Variants in BMP6 observed in about 807,000 individuals in gnomAD.
BMP6 encodes bone morphogenetic protein 6, also known as VG-1-R.
BMP6 carries 17 observed loss-of-function variants against 54.1 expected under a neutral mutation model. That is an observed-to-expected ratio of 0.31 (90% CI 0.22 to 0.47). BMP6 has a LOEUF of 0.47. Ranked by LOEUF, BMP6 falls within the 20% of genes least tolerant of loss-of-function variation. The probability of loss-of-function intolerance (pLI) is 1.00; values close to 1 mark genes in which losing one functional copy is unlikely to be tolerated. For synonymous variants in BMP6, 328 were observed against 291.2 expected, an observed-to-expected ratio of 1.13 and a Z score of -1.28; for missense variants, 720 against 690.4, an observed-to-expected ratio of 1.04 and a Z score of -0.48.
chr6:7,837,326 T>C (rs915360657), intron 1 of BMP6, among the ~76,000 whole-genome samples: 6 of 152,100 alleles, frequency 3.9e-5, no homozygotes, highest in African/African-American at 1.4e-4. Context: ...TTAAAATATC[T>C]TTATTAGCAT....
intron 1 of BMP6, among the ~76,000 whole-genome samples, chr6:7,792,683 A>AT (rs1758128063): frequency 6.6e-6 from 1 of 152,238 alleles, no homozygotes; most frequent in Admixed American, 6.5e-5. Context: ...AGGAAGCAAC[A>AT]TTCCAACAAG....
intron 1 of BMP6, among the ~76,000 whole-genome samples, chr6:7,824,551 T>C (rs576803021): frequency 6.6e-6 from 1 of 152,352 alleles, no homozygotes; most frequent in East Asian, 1.9e-4. Context: ...AAATAGGAGA[T>C]ACCATTCAGT....
intron 1 of BMP6, among the ~76,000 whole-genome samples, chr6:7,784,902 A>G (rs963908025): frequency 6.6e-6 from 1 of 152,206 alleles, no homozygotes; most frequent in African/African-American, 2.4e-5. Context: ...AGGAAGTGAA[A>G]GAAGGTTGTG....
intron 2 of BMP6, among the ~76,000 whole-genome samples, chr6:7,856,328 A>C (rs919961880): frequency 6.6e-6 from 1 of 152,096 alleles, no homozygotes; most frequent in Admixed American, 6.5e-5. Flanking sequence ...AAAAGTAAAA[A>C]GCATGAGCTT....
At chr6:7,859,733 G>A (rs1225825887) in intron 2 of BMP6, among the ~76,000 whole-genome samples, 1 of 152,070 alleles carries the variant, frequency 6.6e-6, no homozygotes, top group Non-Finnish European at 1.5e-5. Context: ...GGGGTAATTT[G>A]TCAACAGGGG....
chr6:7,750,043 CACAGTGGGT>C (rs935756362), intron 1 of BMP6, among the ~76,000 whole-genome samples: 1 of 152,162 alleles, frequency 6.6e-6, no homozygotes, highest in Admixed American at 6.5e-5. Context: ...TGGCAATGGG[CACAGTGGGT>C]GAGACAGGAT....
chr6:7,833,948 G>A (rs750149557), intron 1 of BMP6, among the ~76,000 whole-genome samples: 12 of 152,230 alleles, frequency 7.9e-5, no homozygotes, highest in Non-Finnish European at 7.3e-5. Flanking sequence ...TAAAGTATGA[G>A]TGTCACGGGC....
chr6:7,728,746 T>C (rs1185620349), intron 1 of BMP6, among the ~76,000 whole-genome samples: 1 of 152,154 alleles, frequency 6.6e-6, no homozygotes, highest in African/African-American at 2.4e-5. Context: ...CTCCTTCCCA[T>C]GTGAGACGGT....
intron 4 of BMP6, among the ~76,000 whole-genome samples, chr6:7,865,902 C>G (rs1759413724): frequency 6.6e-6 from 1 of 152,182 alleles, no homozygotes; most frequent in Admixed American, 6.5e-5. Flanking sequence ...ATTCATTCAT[C>G]AAATTGCCTG....
At position 7,880,465 on chromosome 6, in the gene BMP6, G is replaced by C. The variant is rs182720780; in HGVS notation, c.*122G>C. On this transcript the variant is annotated 3_prime_UTR_variant, in exon 7 of 7. Coordinates refer to ENST00000283147, the MANE Select transcript of BMP6 (RefSeq NM_001718.6). The stretch of plus-strand genomic sequence containing the variant: ...GAGACTTTGAAACTATCTCATGCCA[G>C]TGCCTTATTACCCAGGAAGATTTTA... 7 of 1,318,984 alleles carry C rather than the reference G, an allele frequency of 5.3e-6. No individual in the cohort carries two copies. The highest frequency in any genetic ancestry group is 4.0e-5 in the Admixed American group (2 of 49,544). 81.7% of individuals were successfully genotyped at this position (1,318,984 alleles called of 1,614,324 possible). A position where few individuals can be genotyped will look rare whatever the true frequency, so the allele number is the denominator to read the frequency against.
At chr6:7,800,596 G>A (rs547316868) in intron 1 of BMP6, among the ~76,000 whole-genome samples, 1 of 152,216 alleles carries the variant, frequency 6.6e-6, no homozygotes, top group Admixed American at 6.5e-5. Context: ...AGCTCTGGGG[G>A]TTTGATTGTA....
At chr6:7,831,714 T>C (rs1758796419) in intron 1 of BMP6, among the ~76,000 whole-genome samples, 1 of 152,244 alleles carries the variant, frequency 6.6e-6, no homozygotes. Flanking sequence ...GGGCCAATAG[T>C]GCTGCTGCTT....
At chr6:7,818,323 A>T (rs1482854076) in intron 1 of BMP6, among the ~76,000 whole-genome samples, 3 of 141,172 alleles carry the variant, frequency 2.1e-5, no homozygotes, top group African/African-American at 7.4e-5. Flanking sequence ...GCTAAAGGGG[A>T]CTTGGGGTGA....
chr6:7,751,470 C>T (rs765428255), intron 1 of BMP6, among the ~76,000 whole-genome samples: 1 of 152,188 alleles, frequency 6.6e-6, no homozygotes, highest in Non-Finnish European at 1.5e-5. Flanking sequence ...CTAGCCCATG[C>T]ACCTGAATTT....
At chr6:7,798,764 T>TGTAG (rs1758228082) in intron 1 of BMP6, among the ~76,000 whole-genome samples, 1 of 152,192 alleles carries the variant, frequency 6.6e-6, no homozygotes, top group Non-Finnish European at 1.5e-5. Flanking sequence ...CCACACCACA[T>TGTAG]GTAGCATAAG....
intron 1 of BMP6, among the ~76,000 whole-genome samples, chr6:7,769,097 T>C (rs1472387047): frequency 1.3e-5 from 2 of 152,330 alleles, no homozygotes; most frequent in South Asian, 2.1e-4. Flanking sequence ...CGTGTTAATA[T>C]GCTACTGCAG....
At chr6:7,857,641 A>G (rs1454925834) in intron 2 of BMP6, among the ~76,000 whole-genome samples, 1 of 152,158 alleles carries the variant, frequency 6.6e-6, no homozygotes, top group Non-Finnish European at 1.5e-5. Context: ...TGAGATTTAG[A>G]AGGGAAAGCT....
rs1178419880 is a variant in BMP6, at chr6:7,879,158, C to A, written c.1281+8C>A. ...CAAGACCTGGGATGGCAGGTGAGTT[C>A]TCTGGACACGGGGGATAAAGGTCCT... On this transcript the variant is annotated splice_region_variant and intron_variant, in intron 5 of 6. Coordinates refer to ENST00000283147, the MANE Select transcript of BMP6 (RefSeq NM_001718.6). 1.2e-6 allele frequency: 2 copies of A among 1,611,858 alleles called. No homozygotes were observed.
intron 1 of BMP6, among the ~76,000 whole-genome samples, chr6:7,758,161 C>T (rs745632120): frequency 2.0e-5 from 3 of 152,174 alleles, no homozygotes; most frequent in Non-Finnish European, 4.4e-5. Context: ...TTTCCGCAAA[C>T]GTTTTGCATA....
Sources: allele counts gnomAD v4.1 joint callset (sites outside exome capture counted in the v4.1 genomes callset), GRCh38; gene constraint gnomAD v4.1.1; transcripts MANE v1.5; gene names NCBI Gene and HGNC (gene_info 2026-07-23, HGNC 2026-07-21).